DTHD1: variants seen among roughly 807,000 people sequenced by gnomAD.
DTHD1 encodes the protein death domain-containing protein 1.
In DTHD1, 59 loss-of-function variants were observed where a neutral mutation model predicts 74.8. The ratio of observed to expected loss-of-function variants is 0.79; its 90% CI spans 0.64 to 0.98. The LOEUF is 0.98. DTHD1 is among the 50% of genes least tolerant of loss of function. The pLI is 0.00. For missense variants in DTHD1, 1,051 were observed against 1,065.4 expected (o/e 0.99, Z 0.19); for synonymous variants, 365 against 371.1 (o/e 0.98, Z 0.19).
At chr4:36,287,497 T>C (rs1401852987) in intron 2 of DTHD1, among the ~76,000 whole-genome samples, 1 of 152,256 alleles carries the variant, frequency 6.6e-6, no homozygotes, top group Non-Finnish European at 1.5e-5. Flanking sequence ...TCTGAGTAGA[T>C]ACCCAGTAGT....
At chr4:36,339,410 A>G (rs1270232407) in intron 9 of DTHD1, among the ~76,000 whole-genome samples, 2 of 152,212 alleles carry the variant, frequency 1.3e-5, no homozygotes, top group African/African-American at 2.4e-5. Context: ...TATAAATGTT[A>G]CTGAGTTTTA....
chr4:36,288,843 C>A (rs1755881090), intron 2 of DTHD1, among the ~76,000 whole-genome samples: 1 of 152,172 alleles, frequency 6.6e-6, no homozygotes, highest in Non-Finnish European at 1.5e-5. Flanking sequence ...TTCCAAGGCA[C>A]AGAGGAGAGT....
intron 7 of DTHD1, among the ~76,000 whole-genome samples, chr4:36,312,791 T>G (rs963252910): frequency 6.6e-6 from 1 of 152,174 alleles, no homozygotes; most frequent in Non-Finnish European, 1.5e-5. Flanking sequence ...TGATCATGCC[T>G]TGTAGGCCAT....
At chr4:36,309,979 G>T (rs1462474521) in intron 7 of DTHD1, among the ~76,000 whole-genome samples, 1 of 152,104 alleles carries the variant, frequency 6.6e-6, no homozygotes, top group Non-Finnish European at 1.5e-5. Context: ...GCATTAATTT[G>T]CTTAGGATAA....
intron 7 of DTHD1, 96 bp from the exon 8 acceptor site, chr4:36,316,146 A>G (rs57623676): frequency 0.039 from 44,805 of 1,148,244 alleles, 1,373 homozygotes; most frequent in South Asian, 0.13. Context: ...CATGTTAGCC[A>G]GGATGGTCTC....
chr4:36,342,998 C>G (rs1027208222), intron 9 of DTHD1, among the ~76,000 whole-genome samples: 3 of 151,046 alleles, frequency 2.0e-5, no homozygotes, highest in African/African-American at 7.3e-5. Flanking sequence ...TGAGGCTAGA[C>G]TAGAATCGCT....
intron 2 of DTHD1, among the ~76,000 whole-genome samples, chr4:36,285,644 G>GGA (rs1755657111): frequency 1.3e-5 from 2 of 150,290 alleles, no homozygotes; most frequent in African/African-American, 4.9e-5. Context: ...GCTTAGAAGT[G>GGA]AAAAAAAAAA....
chr4:36,281,652 T>A lies in DTHD1; in HGVS notation c.-107T>A, dbSNP rs1041723650. The A allele has an allele frequency of 5.2e-5, 64 of 1,232,892 alleles. No individual in the cohort carries two copies. The highest frequency in any genetic ancestry group is 6.1e-5 in the Non-Finnish European group (60 of 988,252). The allele number at this position is 1,232,892 out of a possible 1,614,324, so 76.4% of individuals were successfully genotyped here. On this transcript the variant is annotated 5_prime_UTR_variant, in exon 1 of 10. Coordinates refer to ENST00000639862, the MANE Select transcript of DTHD1 (RefSeq NM_001170700.3). ...GTGAGAAAGTGCTGGGCTAGCTGACTCGGATCATCTCCTAGAGTTTAGGAG... is the reference window on the plus strand; with the variant it reads ...GTGAGAAAGTGCTGGGCTAGCTGACACGGATCATCTCCTAGAGTTTAGGAG...
chr4:36,323,798 GAA>G (rs1011821910), intron 8 of DTHD1, among the ~76,000 whole-genome samples: 87 of 152,190 alleles, frequency 5.7e-4, no homozygotes, highest in African/African-American at 2.1e-3. Context: ...AATTACAGAA[GAA>G]AGCCACTAGG....
In DTHD1 at chr4:36,345,453, T is replaced by C. The variant is rs1031811687; in HGVS notation, c.*1629T>C. On this transcript the variant is annotated 3_prime_UTR_variant, in exon 10 of 10. Coordinates refer to ENST00000639862, the MANE Select transcript of DTHD1 (RefSeq NM_001170700.3). ...GTTTCAGTTATTGAATACCTAGGAA[T>C]TAATTGAGTTATATTACAAAATTAA... 1 of 152,206 alleles carries C rather than the reference T, an allele frequency of 6.6e-6. No individual in the cohort carries two copies. Among genetic ancestry groups the C allele is most frequent in the Non-Finnish European group, 1.5e-5 (1 of 68,038 alleles). 9.4% of individuals were successfully genotyped at this position (152,206 alleles called of 1,614,324 possible).
At chr4:36,294,671 AAC>A in intron 4 of DTHD1, 122 bp from the exon 5 acceptor site, 1 of 863,200 alleles carries the variant, frequency 1.2e-6, no homozygotes, top group Non-Finnish European at 1.6e-6. Context: ...GATTACAACT[AAC>A]AATACATAGA....
chr4:36,312,152 GC>G (rs1757447071), intron 7 of DTHD1, among the ~76,000 whole-genome samples: 1 of 151,834 alleles, frequency 6.6e-6, no homozygotes, highest in Non-Finnish European at 1.5e-5. Context: ...TGTTATTCAA[GC>G]CCCAACTGCA....
In DTHD1 at chr4:36,339,109, T is replaced by A. The variant is rs1332051436; in HGVS notation, c.2341-3T>A. On this transcript the variant is annotated splice_polypyrimidine_tract_variant and splice_region_variant and intron_variant, in intron 8 of 9. Transcript: ENST00000639862. The stretch of plus-strand genomic sequence containing the variant: ...TTTATTTTGTGTTCCTTTCCCCCAA[T>A]AGCATAAGAAATTAATCAACCGTCC... The A allele has an allele frequency of 1.3e-6, 2 of 1,545,874 alleles. No individual in the cohort carries two copies. Among genetic ancestry groups the A allele is most frequent in the South Asian group, 2.4e-5 (2 of 83,322 alleles).
At chr4:36,328,948 C>T (rs746140077) in intron 8 of DTHD1, among the ~76,000 whole-genome samples, 1 of 152,174 alleles carries the variant, frequency 6.6e-6, no homozygotes, top group Non-Finnish European at 1.5e-5. Context: ...CATTTGTAGA[C>T]ATTATCTCAG....
In DTHD1 at chr4:36,316,466, T is replaced by TCC. The variant is rs1302382107; in HGVS notation, c.2320_2321insCC (p.Leu774SerfsTer4). The TCC allele has an allele frequency of 6.5e-7, 1 of 1,549,254 alleles. No homozygotes were observed. The highest frequency in any genetic ancestry group is 1.2e-5 in the South Asian group (1 of 82,930). Reference sequence around the variant, plus strand: ...CCATTCTCAGTTGCCAATTTGCAAATTACCATTGAAATTGCCAAAGGTGAG... The same window carrying TCC: ...CCATTCTCAGTTGCCAATTTGCAAATCCTACCATTGAAATTGCCAAAGGTGAG... On this transcript the variant is annotated frameshift_variant, in exon 8 of 10. Coordinates refer to ENST00000639862, the MANE Select transcript of DTHD1 (RefSeq NM_001170700.3). LOFTEE classifies it high-confidence loss of function.
At chr4:36,312,366 T>C (rs1757457085) in intron 7 of DTHD1, among the ~76,000 whole-genome samples, 1 of 152,036 alleles carries the variant, frequency 6.6e-6, no homozygotes, top group Non-Finnish European at 1.5e-5. Flanking sequence ...ATAATAACCA[T>C]TCTTTAATTT....
chr4:36,302,382 G>T (rs1272751582), intron 5 of DTHD1, among the ~76,000 whole-genome samples: 2 of 152,166 alleles, frequency 1.3e-5, no homozygotes, highest in African/African-American at 2.4e-5. Context: ...TCCAAGGGTA[G>T]ATGGACCTAC....
chr4:36,322,097 CT>C (rs1387138210), intron 8 of DTHD1, among the ~76,000 whole-genome samples: 1 of 152,058 alleles, frequency 6.6e-6, no homozygotes, highest in Non-Finnish European at 1.5e-5. Context: ...CCTGACATTC[CT>C]AATCCTCTTT....
intron 8 of DTHD1, among the ~76,000 whole-genome samples, chr4:36,328,520 G>A (rs984076416): frequency 3.3e-5 from 5 of 152,150 alleles, no homozygotes; most frequent in East Asian, 1.9e-4. Context: ...GTAAGCACGC[G>A]CAAATACTTA....
Sources: gnomAD v4.1 joint callset for allele counts (sites outside exome capture counted in the v4.1 genomes callset) on GRCh38, gnomAD v4.1.1 for gene constraint, MANE v1.5 for transcripts, NCBI Gene and HGNC (gene_info 2026-07-23, HGNC 2026-07-21) for gene names.